Variants in BBOX1 observed in about 807,000 individuals in gnomAD.
BBOX1 encodes gamma-butyrobetaine dioxygenase.
In BBOX1, 35 loss-of-function variants were observed where a neutral mutation model predicts 41.6. The ratio of observed to expected loss-of-function variants is 0.84; its 90% CI spans 0.64 to 1.11. BBOX1 has a LOEUF of 1.11. Ranked by LOEUF, BBOX1 falls within the 50% of genes most tolerant of loss-of-function variation. The pLI is 0.00. For synonymous variants in BBOX1, 163 were observed against 154.7 expected (o/e 1.05, Z -0.40); for missense variants, 458 against 460.6 (o/e 0.99, Z 0.05).
intron 4 of BBOX1, among the ~76,000 whole-genome samples, chr11:27,064,511 G>T (rs1449290148): frequency 1.3e-5 from 2 of 152,104 alleles, no homozygotes; most frequent in African/African-American, 4.8e-5. Flanking sequence ...AATATCTCTA[G>T]GTTTTCTGTG....
intron 2 of BBOX1, among the ~76,000 whole-genome samples, chr11:27,041,758 A>G (rs1851353130): frequency 6.6e-6 from 1 of 152,164 alleles, no homozygotes; most frequent in Admixed American, 6.5e-5. Context: ...GCTTAGTCTG[A>G]TAGTCAAATT....
chr11:27,094,611 T>G (rs560522883), intron 5 of BBOX1, among the ~76,000 whole-genome samples: 1 of 152,086 alleles, frequency 6.6e-6, no homozygotes, highest in East Asian at 1.9e-4. Context: ...CTCTCCAGTT[T>G]GCCAGAATCC....
chr11:27,051,465 T>C (rs1487793627), intron 2 of BBOX1, among the ~76,000 whole-genome samples: 1 of 152,030 alleles, frequency 6.6e-6, no homozygotes, highest in Admixed American at 6.6e-5. Context: ...GGTCCTGGAG[T>C]TTCCATGGTT....
Position 27,127,287 on chromosome 11 carries a change from C to T in BBOX1, c.1004-6C>T, listed in dbSNP as rs1006161943. ...TTATTCATATTGGAAAAAATCTTTTCTTTAGGTGATGTGATTACTTTTGAT... is the reference window on the plus strand; with the variant it reads ...TTATTCATATTGGAAAAAATCTTTTTTTTAGGTGATGTGATTACTTTTGAT... On this transcript the variant is annotated splice_polypyrimidine_tract_variant and splice_region_variant and intron_variant, in intron 8 of 8. Coordinates refer to ENST00000263182, the MANE Select transcript of BBOX1 (RefSeq NM_003986.3). The T allele has an allele frequency of 1.9e-6, 3 of 1,612,570 alleles. No homozygotes were observed. The African/African-American group carries it at 4.0e-5, about 22-fold the overall frequency.
rs1322374102 is a variant in BBOX1, at chr11:27,055,641, A to C, written c.211A>C (p.Arg71=). 6.2e-7 allele frequency: 1 copy of C among 1,610,708 alleles called. No homozygotes were observed. The highest frequency in any genetic ancestry group is 1.3e-5 in the African/African-American group (1 of 74,854). The change falls in exon 3 of 9, where the codon AGA becomes CGA. Residue 71 remains arginine (R), a synonymous_variant. Transcript: ENST00000263182. ...TGGAATTAAAGGCTTGATATTTGAC[A>C]GAAAAAAGGTAATTATCTCTAAATT... ...NIGIKGLIFD[R]KKVYITWPDE... is the part of the protein sequence containing the mutation.
At chr11:27,057,763 C>A (rs7119888) in intron 4 of BBOX1, among the ~76,000 whole-genome samples, 87,262 of 151,552 alleles carry the variant, frequency 0.58, 26,000 homozygotes, top group South Asian at 0.73. Flanking sequence ...AAACGGTACG[C>A]ATAGCACTGC....
At chr11:27,123,413 A>G (rs1859534339) in intron 7 of BBOX1, among the ~76,000 whole-genome samples, 1 of 152,206 alleles carries the variant, frequency 6.6e-6, no homozygotes, top group Non-Finnish European at 1.5e-5. Context: ...ATTCAAATCA[A>G]GGAGCTATGG....
chr11:27,105,052 A>G (rs956113104), intron 5 of BBOX1, among the ~76,000 whole-genome samples: 5 of 152,196 alleles, frequency 3.3e-5, no homozygotes, highest in African/African-American at 4.8e-5. Flanking sequence ...AAGGAAAACT[A>G]ACAAACAGAA....
intron 4 of BBOX1, among the ~76,000 whole-genome samples, chr11:27,074,625 G>A (rs1239468251): frequency 6.6e-6 from 1 of 152,064 alleles, no homozygotes; most frequent in Non-Finnish European, 1.5e-5. Flanking sequence ...GATGATTTAG[G>A]GTATCTGGCA....
chr11:27,049,037 G>A (rs1168854211), intron 2 of BBOX1, among the ~76,000 whole-genome samples: 1 of 151,272 alleles, frequency 6.6e-6, no homozygotes, highest in Non-Finnish European at 1.5e-5. Context: ...TGAGAATGAT[G>A]ATTTCCAATT....
chr11:27,044,573 C>T (rs1000019485), intron 2 of BBOX1, among the ~76,000 whole-genome samples: 2 of 152,070 alleles, frequency 1.3e-5, no homozygotes, highest in Non-Finnish European at 1.5e-5. Flanking sequence ...TTAGGTCTTG[C>T]GTTTAAGTCT....
chr11:27,125,521 T>A (rs1395491947), intron 7 of BBOX1, 133 bp from the exon 8 acceptor site: 2 of 716,156 alleles, frequency 2.8e-6, no homozygotes, highest in Non-Finnish European at 4.2e-6. Context: ...CAGGTAGCCT[T>A]AATATCTTCT....
chr11:27,067,547 T>C (rs563182334), intron 4 of BBOX1, among the ~76,000 whole-genome samples: 1 of 152,006 alleles, frequency 6.6e-6, no homozygotes, highest in African/African-American at 2.4e-5. Flanking sequence ...CTGACCAATA[T>C]GGTGAAACCC....
intron 4 of BBOX1, among the ~76,000 whole-genome samples, chr11:27,088,543 C>T (rs577231938): frequency 6.6e-6 from 1 of 151,926 alleles, no homozygotes; most frequent in Non-Finnish European, 1.5e-5. Flanking sequence ...TTTAAACACC[C>T]ATGCTTGAAC....
At chr11:27,042,087 T>C (rs1265223007) in intron 2 of BBOX1, among the ~76,000 whole-genome samples, 1 of 152,202 alleles carries the variant, frequency 6.6e-6, no homozygotes, top group Non-Finnish European at 1.5e-5. Flanking sequence ...AAACGTAAGG[T>C]TTCTCATAAT....
chr11:27,087,281 C>T (rs914942122), intron 4 of BBOX1, among the ~76,000 whole-genome samples: 2 of 151,942 alleles, frequency 1.3e-5, no homozygotes, highest in Non-Finnish European at 2.9e-5. Flanking sequence ...AATAATGGAG[C>T]AGACTTCACT....
chr11:27,050,073 G>T (rs145072712), intron 2 of BBOX1, among the ~76,000 whole-genome samples: 1 of 152,014 alleles, frequency 6.6e-6, no homozygotes, highest in African/African-American at 2.4e-5. Context: ...TTCTTCATCT[G>T]GATATTTAGT....
chr11:27,082,320 T>C (rs773382553), intron 4 of BBOX1, among the ~76,000 whole-genome samples: 1 of 152,076 alleles, frequency 6.6e-6, no homozygotes, highest in Non-Finnish European at 1.5e-5. Context: ...GCTGTGACAA[T>C]TGGAGCTGTT....
chr11:27,080,462 C>T (rs1857797788), intron 4 of BBOX1, among the ~76,000 whole-genome samples: 1 of 152,030 alleles, frequency 6.6e-6, no homozygotes, highest in Non-Finnish European at 1.5e-5. Flanking sequence ...TTCATTTATT[C>T]ATTCATCATA....
Sources: allele counts gnomAD v4.1 joint callset (sites outside exome capture counted in the v4.1 genomes callset), GRCh38; gene constraint gnomAD v4.1.1; transcripts MANE v1.5; gene names NCBI Gene and HGNC (gene_info 2026-07-23, HGNC 2026-07-21).